Variants in KIF22 observed in about 807,000 individuals in gnomAD.
KIF22 encodes the protein kinesin family member 22.
KIF22 carries 62 observed loss-of-function variants against 73.0 expected under a neutral mutation model. The observed-to-expected ratio is 0.85, with a 90% confidence interval of 0.69 to 1.05. KIF22 has a LOEUF of 1.05. Among genes scored for constraint, KIF22 ranks in the 50% least tolerant of loss-of-function variants. KIF22 has a pLI of 0.00. For synonymous variants in KIF22, 411 were observed against 340.1 expected (o/e 1.21, Z -2.29); for missense variants, 854 against 870.1 (o/e 0.98, Z 0.23).
rs1217318687 is a variant in KIF22, at chr16:29,805,156, G to A, written c.1932G>A (p.Gln644=). 3.1e-6 allele frequency: 5 copies of A among 1,613,888 alleles called. No homozygotes were observed. Among genetic ancestry groups the A allele is most frequent in the South Asian group, 2.2e-5 (2 of 91,086 alleles). Residue 644 remains glutamine, a synonymous_variant, in exon 13 of 14, where the codon CAG becomes CAA. Coordinates refer to ENST00000160827, the MANE Select transcript of KIF22 (RefSeq NM_007317.3). ...LERVEGITGK[Q]MESFLKANIL... is the part of the protein sequence containing the mutation. ...GCGTGGAGGGCATAACGGGGAAACA[G>A]ATGGAGTCCTTCCTGAAGGTGAAGT...
chr16:29,798,885 T>C lies in KIF22; in HGVS notation c.550-90T>C, dbSNP rs1004685872. 9.0e-5 allele frequency: 139 copies of C among 1,542,910 alleles called. No homozygotes were observed. Among genetic ancestry groups the C allele is most frequent in the South Asian group, 6.5e-4 (57 of 88,124 alleles). ...AGACTGGGGTAGCAGATGGTACAAC[T>C]CCGAGAATAGAACAGAGAAAGGAAA... On this transcript the variant is annotated intron_variant, in intron 4 of 13. Coordinates refer to ENST00000160827, the MANE Select transcript of KIF22 (RefSeq NM_007317.3). This position sits in a 1 kb window ranked among gnomAD's most constrained non-coding sequence, Gnocchi z 4.1.
intron 11 of KIF22, 195 bp downstream of exon 11, chr16:29,804,260 G>T: frequency 3.2e-6 from 2 of 626,648 alleles, no homozygotes; most frequent in Non-Finnish European, 5.7e-6. Context: ...GGAAGGCAGT[G>T]ATGTGGATGT....
intron 1 of KIF22, chr16:29,791,323 T>C: frequency 1.2e-6 from 1 of 834,994 alleles, no homozygotes; most frequent in Non-Finnish European, 1.4e-6. Flanking sequence ...CGGCTGCTGC[T>C]GGGTTTGAGT....
In KIF22 at chr16:29,804,437, G is replaced by A. The variant is rs1899272124; in HGVS notation, c.1677+372G>A. On this transcript the variant is annotated intron_variant, in intron 11 of 13. Coordinates refer to ENST00000160827, the MANE Select transcript of KIF22 (RefSeq NM_007317.3). ...ACTACCCAAAAACTGAGATGGTTGG[G>A]GGAGGTATCATTTATTCATATTACT... The A allele has an allele frequency of 4.8e-6, 3 of 627,422 alleles. No individual in the cohort carries two copies. The South Asian group carries it at 5.1e-5, about 11-fold the overall frequency. The allele number at this position is 627,422 out of a possible 1,614,324, so 38.9% of individuals were successfully genotyped here. A position where few individuals can be genotyped will look rare whatever the true frequency, so the allele number is the denominator to read the frequency against.
Position 29,799,108 on chromosome 16 carries a change from C to T in KIF22, c.683C>T (p.Ala228Val), listed in dbSNP as rs1246243788. 6.2e-7 allele frequency: 1 copy of T among 1,614,036 alleles called. No homozygotes were observed. Among genetic ancestry groups the T allele is most frequent in the African/African-American group, 1.3e-5 (1 of 74,952 alleles). ...GATTTTGAGCGGCACTTCCTGCCAG[C>T]CAGTCGAAATCGGACTGTAGGAGCC... ...FADFERHFLP[A>V]SRNRTVGATR... The change falls in exon 5 of 14, where the codon GCC becomes GTC. Residue 228 changes from alanine (A) to valine (V), a missense_variant. Ala to Val is a moderately conservative substitution (Grantham distance 64, BLOSUM62 0). This residue lies in a region of KIF22 where 245 missense variants were observed against 351.8 expected (regional missense o/e 0.70). Coordinates refer to ENST00000160827, the MANE Select transcript of KIF22 (RefSeq NM_007317.3).
At position 29,799,269 on chromosome 16, in the gene KIF22, C is replaced by G; in HGVS notation, c.765C>G (p.Asp255Glu). 1.9e-6 allele frequency: 3 copies of G among 1,613,552 alleles called. No homozygotes were observed. In the Middle Eastern group the frequency reaches 4.9e-4, roughly 266 times the overall value. ...RSHAVLLVKV[D>E]QRERLAPFRQ... ...ACCTTTGTTCTTACCCCCAGGTGGA[C>G]CAGCGGGAACGTTTGGCCCCATTTC... The change falls in exon 6 of 14, where the codon GAC (aspartate) becomes GAG (glutamate). Residue 255 changes from aspartate (D) to glutamate (E), a missense_variant. This residue lies in a region of KIF22 where 245 missense variants were observed against 351.8 expected (regional missense o/e 0.70). Transcript: ENST00000160827.
Position 29,802,763 on chromosome 16 carries a change from G to C in KIF22, c.1281-6G>C, listed in dbSNP as rs1467657108. ...TAGGTGGGGAGCAACTTCTTTTTCTGCTCAGCCCCCTACAGAAGCTAAGCA... is the reference window on the plus strand; with the variant it reads ...TAGGTGGGGAGCAACTTCTTTTTCTCCTCAGCCCCCTACAGAAGCTAAGCA... On this transcript the variant is annotated splice_region_variant and splice_polypyrimidine_tract_variant and intron_variant, in intron 8 of 13. Transcript: ENST00000160827. 1.3e-6 allele frequency: 2 copies of C among 1,554,028 alleles called. No individual in the cohort carries two copies. Among genetic ancestry groups the C allele is most frequent in the African/African-American group, 2.8e-5 (2 of 71,550 alleles).
rs745553124 is a variant in KIF22 at position 29,803,621 on chromosome 16, C to T, written c.1609+13C>T. ...CCCCTACAGCTAAGTAAGTTTGACT[C>T]CAGGGGCTGGGGGGCCAAGGCAGCT... On this transcript the variant is annotated intron_variant, in intron 10 of 13. Transcript: ENST00000160827. 7 of 1,597,186 alleles carry T rather than the reference C, an allele frequency of 4.4e-6. No individual in the cohort carries two copies. The highest frequency in any genetic ancestry group is 6.0e-6 in the Non-Finnish European group (7 of 1,171,482).
At chr16:29,792,841 C>A (rs1008026499) in intron 1 of KIF22, among the ~76,000 whole-genome samples, 4 of 152,090 alleles carry the variant, frequency 2.6e-5, no homozygotes, top group Non-Finnish European at 5.9e-5. Context: ...TGGTAACTTA[C>A]ACTGCAAGGA....
chr16:29,803,028 A>G, intron 9 of KIF22, 91 bp downstream of exon 9: 1 of 1,313,062 alleles, frequency 7.6e-7, no homozygotes, highest in Non-Finnish European at 1.1e-6. Flanking sequence ...CTCAGGCTGG[A>G]CTAGAGTCCA....
In KIF22 at chr16:29,803,627, G is replaced by A; in HGVS notation, c.1609+19G>A. 1 of 1,590,876 alleles carries A rather than the reference G, an allele frequency of 6.3e-7. No individual in the cohort carries two copies. The highest frequency in any genetic ancestry group is 8.6e-7 in the Non-Finnish European group (1 of 1,166,910). Reference sequence around the variant, plus strand: ...CAGCTAAGTAAGTTTGACTCCAGGGGCTGGGGGGCCAAGGCAGCTGAGATC... The same window carrying A: ...CAGCTAAGTAAGTTTGACTCCAGGGACTGGGGGGCCAAGGCAGCTGAGATC... On this transcript the variant is annotated intron_variant, in intron 10 of 13. Coordinates refer to ENST00000160827, the MANE Select transcript of KIF22 (RefSeq NM_007317.3).
At chr16:29,792,269 TC>T (rs1898838309) in intron 1 of KIF22, among the ~76,000 whole-genome samples, 1 of 152,230 alleles carries the variant, frequency 6.6e-6, no homozygotes, top group Non-Finnish European at 1.5e-5. Context: ...GCTAGCCTGG[TC>T]CAAGCTCAAG....
At position 29,798,890 on chromosome 16, in the gene KIF22, G is replaced by A; in HGVS notation, c.550-85G>A. On this transcript the variant is annotated intron_variant, in intron 4 of 13. Transcript: ENST00000160827. This position sits in a 1 kb window ranked among gnomAD's most constrained non-coding sequence, Gnocchi z 4.1. ...GGGGTAGCAGATGGTACAACTCCGA[G>A]AATAGAACAGAGAAAGGAAACTGAT... 6.4e-7 allele frequency: 1 copy of A among 1,550,802 alleles called. No homozygotes were observed. Among genetic ancestry groups the A allele is most frequent in the Non-Finnish European group, 8.9e-7 (1 of 1,125,852 alleles).
chr16:29,804,612 T>C (rs1899282591), intron 11 of KIF22: 2 of 697,146 alleles, frequency 2.9e-6, no homozygotes, highest in Non-Finnish European at 2.6e-6. Context: ...TACCACTGGG[T>C]ACTGAGTAGT....
intron 1 of KIF22, among the ~76,000 whole-genome samples, chr16:29,792,250 T>A (rs1898837888): frequency 6.6e-6 from 1 of 152,082 alleles, no homozygotes; most frequent in Non-Finnish European, 1.5e-5. Flanking sequence ...GAAGGGAAAA[T>A]TAATAATTGC....
In KIF22 at chr16:29,805,098, C is replaced by T. The variant is rs550883931; in HGVS notation, c.1891-17C>T. The T allele has an allele frequency of 3.1e-6, 5 of 1,613,580 alleles. No homozygotes were observed. The highest frequency in any genetic ancestry group is 2.2e-5 in the East Asian group (1 of 44,848). ...GTACCCCCGAGACCCTGTCCCCTAT[C>T]GATCCTGTCCCGCCAGGTGGAGGAC... On this transcript the variant is annotated splice_polypyrimidine_tract_variant and intron_variant, in intron 12 of 13. Transcript: ENST00000160827.
chr16:29,799,770 T>C lies in KIF22; in HGVS notation c.1133T>C (p.Leu378Pro), dbSNP rs1220863838. ...VINRPFTNES[L>P]QPHALGPVKL... ...AATCGGCCTTTTACCAATGAGAGCCTGCAGCCTCATGGTGAGAACTGGGGG... is the reference window on the plus strand; with the variant it reads ...AATCGGCCTTTTACCAATGAGAGCCCGCAGCCTCATGGTGAGAACTGGGGG... Residue 378 changes from leucine (L) to proline (P), a missense_variant, in exon 7 of 14, where the codon CTG (leucine) becomes CCG (proline). By Grantham distance (98) the Leu-to-Pro change is moderately conservative. Around this residue, in one of 3 missense-constraint regions of KIF22, gnomAD observed 423 missense variants for 365.4 expected, o/e 1.16. Transcript: ENST00000160827. The C allele has an allele frequency of 1.2e-6, 2 of 1,613,456 alleles. No homozygotes were observed. The highest frequency in any genetic ancestry group is 1.7e-6 in the Non-Finnish European group (2 of 1,179,744).
chr16:29,793,438 AAAAG>A, intron 1 of KIF22, among the ~76,000 whole-genome samples: 1 of 152,324 alleles, frequency 6.6e-6, no homozygotes, highest in South Asian at 2.1e-4. Flanking sequence ...TGTCTCAAAA[AAAAG>A]GAGCCGTCAG....
chr16:29,799,571 G>C, intron 6 of KIF22, 57 bp from the exon 7 acceptor site: 1 of 1,612,500 alleles, frequency 6.2e-7, no homozygotes, highest in African/African-American at 1.3e-5. Context: ...GGGAATAGCA[G>C]TTGAGGCATA....
Sources: gnomAD v4.1 joint callset for allele counts (sites outside exome capture counted in the v4.1 genomes callset) on GRCh38, gnomAD v4.1.1 for gene constraint, gnomAD v4.1.1 regional missense constraint, Gnocchi (gnomAD v3.1) non-coding constraint, MANE v1.5 for transcripts, NCBI Gene and HGNC (gene_info 2026-07-23, HGNC 2026-07-21) for gene names.